The following RBFOX1 variants were observed in gnomAD, a reference collection of about 807,000 sequenced individuals.
RBFOX1 encodes the protein RNA binding fox-1 homolog 1.
In RBFOX1, 8 loss-of-function variants were observed where a neutral mutation model predicts 57.7. The ratio of observed to expected loss-of-function variants is 0.14; its 90% CI spans 0.08 to 0.25. The LOEUF (loss-of-function observed/expected upper bound fraction) is 0.25, where lower values mean the gene tolerates loss of function less well. Ranked by LOEUF, RBFOX1 falls within the 10% of genes least tolerant of loss-of-function variation. The pLI is 1.00. For synonymous variants in RBFOX1, 326 were observed against 222.4 expected, an observed-to-expected ratio of 1.47 and a Z score of -4.15; for missense variants, 611 against 548.5, an observed-to-expected ratio of 1.11 and a Z score of -1.14.
chr16:5,549,542 A>G (rs886939280), intron 2 of RBFOX1, among the ~76,000 whole-genome samples: 3 of 152,224 alleles, frequency 2.0e-5, no homozygotes, highest in Non-Finnish European at 2.9e-5. Context: ...TGATACAGTC[A>G]GTTCTGTGAT....
intron 3 of RBFOX1, among the ~76,000 whole-genome samples, chr16:5,831,758 ACCC>A (rs2056283835): frequency 6.6e-6 from 1 of 151,976 alleles, no homozygotes; most frequent in South Asian, 2.1e-4. Context: ...TTTATAAATT[ACCC>A]CGTGTCAAGT....
At chr16:5,786,538 A>C (rs1216919875) in intron 3 of RBFOX1, among the ~76,000 whole-genome samples, 1 of 152,142 alleles carries the variant, frequency 6.6e-6, no homozygotes, top group Non-Finnish European at 1.5e-5. Flanking sequence ...AGGGTTCTGC[A>C]CTACCCCAGT....
At chr16:7,562,796 A>G (rs2090718570) in intron 5 of RBFOX1, among the ~76,000 whole-genome samples, 1 of 152,210 alleles carries the variant, frequency 6.6e-6, no homozygotes, top group African/African-American at 2.4e-5. Flanking sequence ...AAACTGCTGG[A>G]GAGTTTGGAG....
chr16:6,406,980 G>A (rs979236005), intron 2 of RBFOX1, among the ~76,000 whole-genome samples: 3 of 152,126 alleles, frequency 2.0e-5, no homozygotes, highest in Non-Finnish European at 4.4e-5. Flanking sequence ...CTAACTTCCT[G>A]TTTATAGGGT....
chr16:5,521,527 A>G (rs2044015397), intron 2 of RBFOX1, among the ~76,000 whole-genome samples: 1 of 145,904 alleles, frequency 6.9e-6, no homozygotes, highest in Non-Finnish European at 1.5e-5. Flanking sequence ...TCTGTAAACT[A>G]TTGCCTTGGT....
At chr16:6,904,882 CT>C (rs1555607074) in intron 3 of RBFOX1, among the ~76,000 whole-genome samples, 1 of 152,126 alleles carries the variant, frequency 6.6e-6, no homozygotes, top group Non-Finnish European at 1.5e-5. Flanking sequence ...CTCTATTACA[CT>C]TTTCTACAAA....
intron 1 of RBFOX1, among the ~76,000 whole-genome samples, chr16:6,309,673 G>T (rs1162317708): frequency 6.6e-6 from 1 of 152,034 alleles, no homozygotes; most frequent in Non-Finnish European, 1.5e-5. Flanking sequence ...TGTGTGGGGT[G>T]TAATATTGTT....
At chr16:5,624,617 C>T (rs1342716703) in intron 3 of RBFOX1, among the ~76,000 whole-genome samples, 1 of 152,252 alleles carries the variant, frequency 6.6e-6, no homozygotes, top group Non-Finnish European at 1.5e-5. Flanking sequence ...GGCACAAGGA[C>T]AGTGTCTGTG....
At chr16:5,688,414 C>G (rs1004994556) in intron 3 of RBFOX1, among the ~76,000 whole-genome samples, 1 of 152,224 alleles carries the variant, frequency 6.6e-6, no homozygotes, top group Non-Finnish European at 1.5e-5. Context: ...TATGTCTGTA[C>G]AAAGCTAGTT....
chr16:6,562,873 T>TTTCG (rs1567693931), intron 2 of RBFOX1, among the ~76,000 whole-genome samples: 11 of 65,052 alleles, frequency 1.7e-4, no homozygotes, highest in African/African-American at 9.8e-4. Context: ...TCTTTCTTTC[T>TTTCG]TTCTTTCTTT....
At chr16:5,879,346 A>G (rs1223572645) in intron 4 of RBFOX1, among the ~76,000 whole-genome samples, 1 of 152,220 alleles carries the variant, frequency 6.6e-6, no homozygotes, top group Non-Finnish European at 1.5e-5. Flanking sequence ...CAGATCTTGC[A>G]AATGGGTTGT....
At chr16:6,675,906 A>G (rs113063671) in intron 3 of RBFOX1, among the ~76,000 whole-genome samples, 113 of 148,972 alleles carry the variant, frequency 7.6e-4, no homozygotes, top group African/African-American at 2.7e-3. Context: ...ACCATATCAC[A>G]TGGGATGTGG....
chr16:6,421,270 C>A (rs1165785488), intron 2 of RBFOX1, among the ~76,000 whole-genome samples: 1 of 152,186 alleles, frequency 6.6e-6, no homozygotes, highest in South Asian at 2.1e-4. Context: ...CCATCTGGAG[C>A]CGCTCTCTAT....
rs146484560 is a variant in RBFOX1 at position 7,456,122 on chromosome 16, T to G, written c.28-62025T>G. Among the ~76,000 whole-genome samples the G allele has an allele frequency of 1.5e-3, 228 of 152,334 alleles. 1 individual carries two copies. Among genetic ancestry groups the G allele is most frequent in the African/African-American group, 5.3e-3 (221 of 41,576 alleles). On this transcript the variant is annotated intron_variant, in intron 4 of 15. Coordinates refer to ENST00000550418, the MANE Select transcript of RBFOX1 (RefSeq NM_018723.4). Reference sequence around the variant, plus strand: ...AACAAGCGTTCCTACATTGCCCTTTTGCACTGCCCCCAGAAATTATGTGGC... The same window carrying G: ...AACAAGCGTTCCTACATTGCCCTTTGGCACTGCCCCCAGAAATTATGTGGC...
At chr16:5,349,644 T>G (rs544702741) in intron 1 of RBFOX1, among the ~76,000 whole-genome samples, 1 of 152,116 alleles carries the variant, frequency 6.6e-6, no homozygotes, top group Admixed American at 6.5e-5. Context: ...TGCACTTCAG[T>G]CTGGGTGACA....
intron 4 of RBFOX1, among the ~76,000 whole-genome samples, chr16:7,389,803 A>G (rs1034346440): frequency 4.6e-5 from 7 of 152,178 alleles, no homozygotes; most frequent in African/African-American, 1.4e-4. Context: ...TCCTTCTAGT[A>G]TGCTTAAGGC....
chr16:5,519,524 G>C (rs1455232272), intron 2 of RBFOX1, among the ~76,000 whole-genome samples: 1 of 152,182 alleles, frequency 6.6e-6, no homozygotes, highest in Non-Finnish European at 1.5e-5. Flanking sequence ...AGGAGTTTGA[G>C]ATCAGCCTGG....
intron 4 of RBFOX1, among the ~76,000 whole-genome samples, chr16:7,387,060 C>G (rs1186140541): frequency 6.6e-6 from 1 of 152,164 alleles, no homozygotes; most frequent in African/African-American, 2.4e-5. Context: ...CCTTTGCCCA[C>G]TTTTTGATGG....
intron 1 of RBFOX1, among the ~76,000 whole-genome samples, chr16:6,066,299 A>AAAG (rs1469182411): frequency 1.1e-5 from 1 of 90,980 alleles, no homozygotes; most frequent in African/African-American, 2.9e-5. Flanking sequence ...GTCTCAAAAA[A>AAAG]AAAAAAAAAA....
Sources: gnomAD v4.1 joint callset for allele counts (sites outside exome capture counted in the v4.1 genomes callset) on GRCh38, gnomAD v4.1.1 for gene constraint, MANE v1.5 for transcripts, NCBI Gene and HGNC (gene_info 2026-07-23, HGNC 2026-07-21) for gene names.